The following PLCB1 variants were observed in gnomAD, a reference collection of about 807,000 sequenced individuals.
PLCB1 encodes phospholipase C beta 1, also known as 1-phosphatidylinositol 4,5-bisphosphate phosphodiesterase beta-1.
A neutral mutation model predicts 161.8 loss-of-function variants in PLCB1; 46 were observed. The observed-to-expected ratio is 0.28, with a 90% CI of 0.22 to 0.36. The LOEUF is 0.36. Among genes scored for constraint, PLCB1 ranks in the 10% least tolerant of loss-of-function variants. The pLI is 1.00. For missense variants in PLCB1, 1,016 were observed against 1,472.5 expected, an observed-to-expected ratio of 0.69 and a Z score of 5.07; for synonymous variants, 517 against 503.7, an observed-to-expected ratio of 1.03 and a Z score of -0.35.
Position 8,646,159 on chromosome 20 carries a change from A to C in PLCB1, c.442A>C (p.Arg148=), listed in dbSNP as rs1403485900. The stretch of plus-strand genomic sequence containing the variant: ...AAACCTGCTGGCCCAAAACATGTCC[A>C]GGGATGCATTTCTGGAAAAAGCGTA... The part of the protein sequence containing the change: ...ATNLLAQNMS[R]DAFLEKAYTK... The change falls in exon 5 of 32, where the codon AGG becomes CGG. Residue 148 remains arginine (R), a synonymous_variant. Coordinates refer to ENST00000338037, the MANE Select transcript of PLCB1 (RefSeq NM_015192.4). 2.5e-6 allele frequency: 4 copies of C among 1,612,706 alleles called. No individual in the cohort carries two copies. In the East Asian group the frequency reaches 6.7e-5, roughly 27 times the overall value.
intron 2 of PLCB1, among the ~76,000 whole-genome samples, chr20:8,282,784 A>G (rs1046822827): frequency 6.6e-6 from 1 of 151,802 alleles, no homozygotes; most frequent in African/African-American, 2.4e-5. Context: ...TTTTAATTAA[A>G]CTCCTACTTC....
At chr20:8,838,666 C>T (rs1399158489) in intron 31 of PLCB1, among the ~76,000 whole-genome samples, 1 of 152,194 alleles carries the variant, frequency 6.6e-6, no homozygotes, top group Non-Finnish European at 1.5e-5. Flanking sequence ...GTACCACATT[C>T]CTGAAGGATG....
At chr20:8,541,099 G>T (rs1457575836) in intron 3 of PLCB1, among the ~76,000 whole-genome samples, 2 of 152,074 alleles carry the variant, frequency 1.3e-5, no homozygotes, top group Non-Finnish European at 2.9e-5. Context: ...AAACAGTGGG[G>T]ATCTTACCTA....
At chr20:8,662,346 TATA>T (rs1302082593) in intron 9 of PLCB1, among the ~76,000 whole-genome samples, 1 of 126,158 alleles carries the variant, frequency 7.9e-6, no homozygotes, top group Non-Finnish European at 1.6e-5. Flanking sequence ...TATAATTATG[TATA>T]ATATGTAATT....
At chr20:8,152,218 C>T (rs993636532) in intron 2 of PLCB1, among the ~76,000 whole-genome samples, 1 of 152,040 alleles carries the variant, frequency 6.6e-6, no homozygotes, top group Non-Finnish European at 1.5e-5. Flanking sequence ...AGTCATCTCT[C>T]AGTCATTTAT....
chr20:8,184,010 G>T (rs1427258015), intron 2 of PLCB1, among the ~76,000 whole-genome samples: 1 of 151,914 alleles, frequency 6.6e-6, no homozygotes, highest in Admixed American at 6.6e-5. Context: ...TGTTTTTGGG[G>T]TAATAATGAT....
chr20:8,534,240 G>A (rs937971687), intron 3 of PLCB1, among the ~76,000 whole-genome samples: 2 of 152,150 alleles, frequency 1.3e-5, no homozygotes, highest in African/African-American at 4.8e-5. Flanking sequence ...TGGGACTACA[G>A]GTACAGGCGC....
chr20:8,471,684 A>G (rs1270279339), intron 3 of PLCB1, among the ~76,000 whole-genome samples: 1 of 152,100 alleles, frequency 6.6e-6, no homozygotes, highest in Non-Finnish European at 1.5e-5. Flanking sequence ...CTGCTAGGTG[A>G]ATTGGATTTT....
intron 2 of PLCB1, among the ~76,000 whole-genome samples, chr20:8,180,208 A>G (rs961491490): frequency 6.6e-6 from 1 of 152,098 alleles, no homozygotes; most frequent in Non-Finnish European, 1.5e-5. Context: ...AAAAGCCTGT[A>G]ATCGTGTGGT....
chr20:8,383,891 C>T (rs755314490), intron 3 of PLCB1, among the ~76,000 whole-genome samples: 1 of 152,184 alleles, frequency 6.6e-6, no homozygotes, highest in Admixed American at 6.5e-5. Context: ...GAGAGGTCTG[C>T]TGTTGGTCTG....
At chr20:8,458,814 C>T (rs1482213621) in intron 3 of PLCB1, among the ~76,000 whole-genome samples, 1 of 152,144 alleles carries the variant, frequency 6.6e-6, no homozygotes, top group Non-Finnish European at 1.5e-5. Context: ...AATAATAACA[C>T]ACCACCCACT....
intron 3 of PLCB1, among the ~76,000 whole-genome samples, chr20:8,438,128 T>C (rs1980392423): frequency 6.6e-6 from 1 of 152,200 alleles, no homozygotes; most frequent in South Asian, 2.1e-4. Flanking sequence ...TTCATAAATG[T>C]TTATTTTTGC....
chr20:8,728,867 A>G (rs900356905), intron 17 of PLCB1, among the ~76,000 whole-genome samples, 183 bp from the exon 18 acceptor site: 2 of 152,132 alleles, frequency 1.3e-5, no homozygotes, highest in Admixed American at 6.6e-5. Context: ...GAAGTGAAAT[A>G]AAATGAAACA....
At position 8,774,652 on chromosome 20, in the gene PLCB1, A is replaced by G. The variant is rs752616464; in HGVS notation, c.3044A>G (p.Gln1015Arg). 1.2e-6 allele frequency: 2 copies of G among 1,614,078 alleles called. No homozygotes were observed. Among genetic ancestry groups the G allele is most frequent in the South Asian group, 2.2e-5 (2 of 91,052 alleles). ...GACTTGAAGGACAAACAACAGCAGC[A>G]GCTGCTTAATCTTCGGCAAGAACAG... ...LIDLKDKQQQ[Q>R]LLNLRQEQYY... Residue 1015 changes from glutamine (Q) to arginine (R), a missense_variant, in exon 27 of 32, where the codon CAG becomes CGG. Coordinates refer to ENST00000338037, the MANE Select transcript of PLCB1 (RefSeq NM_015192.4).
At chr20:8,720,431 A>C (rs1229008294) in intron 14 of PLCB1, among the ~76,000 whole-genome samples, 1 of 152,196 alleles carries the variant, frequency 6.6e-6, no homozygotes, top group African/African-American at 2.4e-5. Flanking sequence ...GAGCACCGCT[A>C]ATTTACCATT....
At chr20:8,565,910 A>G (rs1039292615) in intron 3 of PLCB1, among the ~76,000 whole-genome samples, 1 of 152,144 alleles carries the variant, frequency 6.6e-6, no homozygotes, top group African/African-American at 2.4e-5. Context: ...GGGAGAGCAG[A>G]AATTTACAAG....
At chr20:8,527,695 C>T (rs1411346390) in intron 3 of PLCB1, among the ~76,000 whole-genome samples, 1 of 152,000 alleles carries the variant, frequency 6.6e-6, no homozygotes, top group African/African-American at 2.4e-5. Context: ...TCATCTGGGC[C>T]ATAGTTGTTG....
intron 3 of PLCB1, among the ~76,000 whole-genome samples, chr20:8,538,335 A>G (rs1985135507): frequency 6.6e-6 from 1 of 152,170 alleles, no homozygotes; most frequent in African/African-American, 2.4e-5. Context: ...TCTTTGTAGC[A>G]CATTCCCCTT....
In PLCB1 at chr20:8,157,244, G is replaced by T. The variant is rs114444177; in HGVS notation, c.177+6873G>T. ...TGGACCCTTGGAAATTTGAAGCATC[G>T]TATGGAACAACTTTTAAGATGATTT... is the stretch of plus-strand genomic sequence containing the variant. On this transcript the variant is annotated intron_variant, in intron 2 of 31. Transcript: ENST00000338037. 1.3e-3 allele frequency among the ~76,000 whole-genome samples: 192 copies of T among 152,272 alleles called. 1 individual carries two copies. Among genetic ancestry groups the T allele is most frequent in the African/African-American group, 4.5e-3 (185 of 41,568 alleles).
Sources: allele counts gnomAD v4.1 joint callset (sites outside exome capture counted in the v4.1 genomes callset), GRCh38; gene constraint gnomAD v4.1.1; transcripts MANE v1.5; gene names NCBI Gene and HGNC (gene_info 2026-07-23, HGNC 2026-07-21).